Variants in SERPINA4 observed in about 807,000 individuals in gnomAD.
The protein encoded by SERPINA4 is serpin family A member 4, also known as kallistatin.
A neutral mutation model predicts 25.4 loss-of-function variants in SERPINA4; 24 were observed. The observed-to-expected ratio is 0.95, with a 90% confidence interval of 0.69 to 1.33. The LOEUF (loss-of-function observed/expected upper bound fraction) is 1.33, where lower values mean the gene tolerates loss of function less well. SERPINA4 is among the 40% of genes most tolerant of loss of function. The pLI is 0.00. For synonymous variants in SERPINA4, 242 were observed against 223.6 expected (o/e 1.08, Z -0.73); for missense variants, 553 against 535.8 (o/e 1.03, Z -0.32).
In SERPINA4 at chr14:94,569,852, C is replaced by A; in HGVS notation, c.*257C>A. 1 of 539,992 alleles carries A rather than the reference C, an allele frequency of 1.9e-6. No individual in the cohort carries two copies. Among genetic ancestry groups the A allele is most frequent in the Admixed American group, 3.2e-5 (1 of 30,976 alleles). The allele number at this position is 539,992 out of a possible 1,614,324, so 33.5% of individuals were successfully genotyped here. A position where few individuals can be genotyped will look rare whatever the true frequency, so the allele number is the denominator to read the frequency against. On this transcript the variant is annotated 3_prime_UTR_variant, in exon 5 of 5. Transcript: ENST00000557004. ...CAAGTTTCTGCCTCTGGAAAGGGGG[C>A]GGGCCCTTTTCACAACAGGCTGGTT...
At position 94,564,110 on chromosome 14, in the gene SERPINA4, G is replaced by C; in HGVS notation, c.628G>C (p.Val210Leu). ...CAAGAAGGACGTCTTGATGGTGCTG[G>C]TGAATTACATTTACTTCAAAGGTGA... The part of the protein sequence containing the change: ...ELKKDVLMVL[V>L]NYIYFKALWE... Residue 210 changes from valine to leucine, a missense_variant, in exon 2 of 5, where the codon GTG (valine) becomes CTG (leucine). By Grantham distance (32) the Val-to-Leu change is conservative. Transcript: ENST00000557004. 1.9e-6 allele frequency: 3 copies of C among 1,600,930 alleles called. No homozygotes were observed. Among genetic ancestry groups the C allele is most frequent in the Non-Finnish European group, 2.5e-6 (3 of 1,179,942 alleles).
chr14:94,563,622 C>G lies in SERPINA4; in HGVS notation c.140C>G (p.Pro47Arg). 6.2e-7 allele frequency: 1 copy of G among 1,613,926 alleles called. No homozygotes were observed. The highest frequency in any genetic ancestry group is 1.1e-5 in the South Asian group (1 of 91,084). The change falls in exon 2 of 5, where the codon CCC (proline) becomes CGC (arginine). Residue 47 changes from proline to arginine, a missense_variant. Pro to Arg is a moderately radical substitution (Grantham distance 103). Coordinates refer to ENST00000557004, the MANE Select transcript of SERPINA4 (RefSeq NM_006215.4). The stretch of plus-strand genomic sequence containing the variant: ...ATTCTGGAGACAGGTGAGGGCTCCC[C>G]CAGCCTCAAGATAGCCCCTGCCAAT... ...QQILETGEGS[P>R]SLKIAPANAD...
intron 2 of SERPINA4, among the ~76,000 whole-genome samples, chr14:94,564,784 C>G (rs2139902711): frequency 6.6e-6 from 1 of 152,282 alleles, no homozygotes. Context: ...ATTTTATGTA[C>G]TCAATAAATA....
At position 94,564,102 on chromosome 14, in the gene SERPINA4, T is replaced by C. The variant is rs1355207121; in HGVS notation, c.620T>C (p.Met207Thr). The C allele has an allele frequency of 6.2e-7, 1 of 1,601,604 alleles. No homozygotes were observed. The highest frequency in any genetic ancestry group is 1.7e-5 in the Admixed American group (1 of 60,022). Residue 207 changes from methionine to threonine, a missense_variant, in exon 2 of 5, where the codon ATG becomes ACG. By Grantham distance (81) the Met-to-Thr change is moderately conservative. Transcript: ENST00000557004. ...AGTGAGCTCAAGAAGGACGTCTTGA[T>C]GGTGCTGGTGAATTACATTTACTTC... The part of the protein sequence containing the change: ...LVSELKKDVL[M>T]VLVNYIYFKA...
At chr14:94,566,120 C>A (rs1169883519) in intron 2 of SERPINA4, among the ~76,000 whole-genome samples, 1 of 152,158 alleles carries the variant, frequency 6.6e-6, no homozygotes, top group South Asian at 2.1e-4. Flanking sequence ...GTGGTCACTT[C>A]CTTGCAAACA....
intron 1 of SERPINA4, chr14:94,561,860 G>A (rs1010290578): frequency 2.5e-5 from 32 of 1,289,568 alleles, no homozygotes; most frequent in South Asian, 2.5e-4. Context: ...TGAGTGATGC[G>A]GTCCTATGTA....
Position 94,568,234 on chromosome 14 carries a change from C to A in SERPINA4, c.1029C>A (p.Ser343=), listed in dbSNP as rs1267145819. 1 of 1,614,208 alleles carries A rather than the reference C, an allele frequency of 6.2e-7. No homozygotes were observed. The highest frequency in any genetic ancestry group is 2.2e-5 in the East Asian group (1 of 44,886). Residue 343 remains serine, a synonymous_variant, in exon 4 of 5, where the codon TCC becomes TCA. Coordinates refer to ENST00000557004, the MANE Select transcript of SERPINA4 (RefSeq NM_006215.4). Reference sequence around the variant, plus strand: ...GGCTGGGCTTCACGGATCTGTTCTCCAAGTGGGCTGACTTATCCGGCATCA... The same window carrying A: ...GGCTGGGCTTCACGGATCTGTTCTCAAAGTGGGCTGACTTATCCGGCATCA... The part of the protein sequence containing the change: ...LPRLGFTDLF[S]KWADLSGITK...
intron 2 of SERPINA4, among the ~76,000 whole-genome samples, chr14:94,565,233 G>C (rs1215997489): frequency 1.3e-5 from 2 of 152,214 alleles, no homozygotes; most frequent in Non-Finnish European, 2.9e-5. Context: ...ATGGAGGGGA[G>C]CATCACTGCA....
chr14:94,569,689 T>A lies in SERPINA4; in HGVS notation c.*94T>A. ...CTGTGTTTAGAGTTGGGGACAAGGA[T>A]GACACCGAAGGTCCAGGAGTCCAGG... is the stretch of plus-strand genomic sequence containing the variant. On this transcript the variant is annotated 3_prime_UTR_variant, in exon 5 of 5. Transcript: ENST00000557004. 7.2e-7 allele frequency: 1 copy of A among 1,397,016 alleles called. No homozygotes were observed. The highest frequency in any genetic ancestry group is 1.0e-6 in the Non-Finnish European group (1 of 1,004,670). The allele number at this position is 1,397,016 out of a possible 1,614,324, so 86.5% of individuals were successfully genotyped here.
At position 94,568,405 on chromosome 14, in the gene SERPINA4, A is replaced by G. The variant is rs957409592; in HGVS notation, c.1083+117A>G. ...GGAGTCTCAGAGCCTGAGTGTGTTC[A>G]GTCATCTACAGGCATCAGCATCCAC... On this transcript the variant is annotated intron_variant, in intron 4 of 4. Transcript: ENST00000557004. The G allele has an allele frequency of 3.9e-6, 4 of 1,030,906 alleles. No individual in the cohort carries two copies. In the African/African-American group the frequency reaches 6.4e-5, roughly 17 times the overall value. 63.9% of individuals were successfully genotyped at this position (1,030,906 alleles called of 1,614,324 possible). A position where few individuals can be genotyped will look rare whatever the true frequency, so the allele number is the denominator to read the frequency against.
At chr14:94,567,729 A>G (rs976917235) in intron 3 of SERPINA4, among the ~76,000 whole-genome samples, 2 of 152,274 alleles carry the variant, frequency 1.3e-5, no homozygotes, top group African/African-American at 2.4e-5. Context: ...GCACATGTGG[A>G]TAGAAAATTC....
At chr14:94,564,438 G>A (rs928376011) in intron 2 of SERPINA4, among the ~76,000 whole-genome samples, 30 of 152,236 alleles carry the variant, frequency 2.0e-4, no homozygotes, top group Admixed American at 2.0e-3. Context: ...TACCAACAGT[G>A]CAAACAGGTC....
In SERPINA4 at chr14:94,568,204, G is replaced by C. The variant is rs929227047; in HGVS notation, c.999G>C (p.Leu333Phe). 3.1e-6 allele frequency: 5 copies of C among 1,614,102 alleles called. No homozygotes were observed. Among genetic ancestry groups the C allele is most frequent in the African/African-American group, 1.3e-5 (1 of 74,938 alleles). Residue 333 changes from leucine to phenylalanine, a missense_variant, in exon 4 of 5, where the codon TTG (leucine) becomes TTC (phenylalanine). Physicochemically the swap from Leu to Phe is conservative, Grantham distance 22 (BLOSUM62 0). Transcript: ENST00000557004. ...ISGSYVLDQI[L>F]PRLGFTDLFS... ...GCTCCTATGTATTAGATCAGATTTT[G>C]CCCAGGCTGGGCTTCACGGATCTGT...
At position 94,568,254 on chromosome 14, in the gene SERPINA4, G is replaced by C; in HGVS notation, c.1049G>C (p.Gly350Ala). Reference sequence around the variant, plus strand: ...TTCTCCAAGTGGGCTGACTTATCCGGCATCACCAAACAGCAAAAACTGGAG... The same window carrying C: ...TTCTCCAAGTGGGCTGACTTATCCGCCATCACCAAACAGCAAAAACTGGAG... ...DLFSKWADLS[G>A]ITKQQKLEAS... Residue 350 changes from glycine (G) to alanine (A), a missense_variant, in exon 4 of 5, where the codon GGC becomes GCC. Gly to Ala is a moderately conservative substitution (Grantham distance 60, BLOSUM62 0). Transcript: ENST00000557004. 6.2e-7 allele frequency: 1 copy of C among 1,614,168 alleles called. No homozygotes were observed. Among genetic ancestry groups the C allele is most frequent in the South Asian group, 1.1e-5 (1 of 91,088 alleles).
intron 3 of SERPINA4, 100 bp from the exon 4 acceptor site, chr14:94,568,029 G>A: frequency 1.7e-6 from 2 of 1,205,714 alleles, no homozygotes; most frequent in Non-Finnish European, 2.4e-6. Context: ...GAACTCAGAT[G>A]GAATAGAGCC....
In SERPINA4 at chr14:94,569,628, G is replaced by C; in HGVS notation, c.*33G>C. 6.2e-7 allele frequency: 1 copy of C among 1,610,668 alleles called. No individual in the cohort carries two copies. The highest frequency in any genetic ancestry group is 8.5e-7 in the Non-Finnish European group (1 of 1,177,120). On this transcript the variant is annotated 3_prime_UTR_variant, in exon 5 of 5. Coordinates refer to ENST00000557004, the MANE Select transcript of SERPINA4 (RefSeq NM_006215.4). ...AGGGCTGCTCATCTGTTCCAAGCAG[G>C]AGGATGTGGCAGGGGAGGGCTGGGA...
chr14:94,566,899 G>C, intron 2 of SERPINA4, 71 bp from the exon 3 acceptor site: 1 of 1,518,446 alleles, frequency 6.6e-7, no homozygotes, highest in South Asian at 1.3e-5. Context: ...ACACCAGATG[G>C]CATTCCCTGG....
intron 1 of SERPINA4, 36 bp from the exon 2 acceptor site, chr14:94,563,429 TG>T: frequency 6.4e-7 from 1 of 1,559,256 alleles, no homozygotes. Flanking sequence ...GGTGTTCTTC[TG>T]GGGGAATTTC....
chr14:94,564,246 T>A, intron 2 of SERPINA4, 115 bp downstream of exon 2: 1 of 1,100,098 alleles, frequency 9.1e-7, no homozygotes, highest in South Asian at 1.4e-5. Context: ...TTGTGTCTGA[T>A]AGGGTTGAGC....
Sources: allele counts gnomAD v4.1 joint callset (sites outside exome capture counted in the v4.1 genomes callset), GRCh38; gene constraint gnomAD v4.1.1; transcripts MANE v1.5; gene names NCBI Gene and HGNC (gene_info 2026-07-23, HGNC 2026-07-21).